The following DMBT1 variants were observed in gnomAD, a reference collection of about 807,000 sequenced individuals.
DMBT1 encodes the protein deleted in malignant brain tumors 1.
Under a neutral mutation model 252.9 loss-of-function variants are expected in DMBT1, and 198 were observed. The observed-to-expected ratio is 0.78, with a 90% CI of 0.70 to 0.88. The LOEUF (loss-of-function observed/expected upper bound fraction) is 0.88, where lower values mean the gene tolerates loss of function less well. Ranked by LOEUF, DMBT1 falls within the 40% of genes least tolerant of loss-of-function variation. The pLI is 0.00. For missense variants in DMBT1, 2,432 were observed against 2,404.7 expected, an observed-to-expected ratio of 1.01 and a Z score of -0.24; for synonymous variants, 990 against 942.7, an observed-to-expected ratio of 1.05 and a Z score of -0.92.
rs1334416125 is a variant in DMBT1, at chr10:122,619,363, G to A, written c.5245+26G>A. 7 of 1,613,746 alleles carry A rather than the reference G, an allele frequency of 4.3e-6. No homozygotes were observed. The Admixed American group carries it at 1.0e-4, about 23-fold the overall frequency. Reference sequence around the variant, plus strand: ...GTGAGTCCCCAGCATCCTTCATCGGGATGTCCCTTCTCTTTCTGCCCAGTT... The same window carrying A: ...GTGAGTCCCCAGCATCCTTCATCGGAATGTCCCTTCTCTTTCTGCCCAGTT... On this transcript the variant is annotated intron_variant, in intron 42 of 55. Coordinates refer to ENST00000338354, the MANE Select transcript of DMBT1 (RefSeq NM_001377530.1).
chr10:122,625,860 T>C (rs1326736388), intron 45 of DMBT1, 73 bp from the exon 46 acceptor site: 1 of 1,247,646 alleles, frequency 8.0e-7, no homozygotes, highest in Non-Finnish European at 1.2e-6. Flanking sequence ...TTTAACTTTG[T>C]CAGTCAAACA....
In DMBT1 at chr10:122,579,690, C is replaced by A. The variant is rs2097749076; in HGVS notation, c.792C>A (p.Asp264Glu). ...GCACCGTGTGTGATGACTACTGGGA[C>A]ACCAATGATGCCAATGTGGTCTGCA... ...SWGTVCDDYW[D>E]TNDANVVCRQ... The change falls in exon 10 of 56, where the codon GAC becomes GAA. Residue 264 changes from aspartate (D) to glutamate (E), a missense_variant. Physicochemically the swap from Asp to Glu is conservative, Grantham distance 45. Around this residue, in one of 3 missense-constraint regions of DMBT1, gnomAD observed 1,264 missense variants for 1,082.2 expected, o/e 1.17. Transcript: ENST00000338354. The A allele has an allele frequency of 2.5e-6, 4 of 1,613,886 alleles. No individual in the cohort carries two copies. The highest frequency in any genetic ancestry group is 1.3e-5 in the African/African-American group (1 of 75,050).
intron 24 of DMBT1, 60 bp from the exon 25 acceptor site, chr10:122,597,914 C>T: frequency 2.5e-6 from 4 of 1,612,914 alleles, no homozygotes; most frequent in Non-Finnish European, 3.4e-6. Flanking sequence ...GGAGACCTTT[C>T]CTTTTGGAGA....
intron 52 of DMBT1, 127 bp from the exon 53 acceptor site, chr10:122,635,864 C>G (rs544808787): frequency 9.9e-7 from 1 of 1,005,246 alleles, no homozygotes; most frequent in South Asian, 1.5e-5. Flanking sequence ...CCAAGGAGAC[C>G]TATGACTTTC....
At chr10:122,581,511 CA>C in intron 11 of DMBT1, among the ~76,000 whole-genome samples, 1 of 149,834 alleles carries the variant, frequency 6.7e-6, no homozygotes, top group Non-Finnish European at 1.5e-5. Flanking sequence ...CTAGTCAGTC[CA>C]TGCATCAGCA....
chr10:122,580,489 C>A (rs946127744), intron 10 of DMBT1, among the ~76,000 whole-genome samples: 5 of 152,154 alleles, frequency 3.3e-5, no homozygotes, highest in Non-Finnish European at 5.9e-5. Flanking sequence ...CCCATGAGGC[C>A]AGCCAGACAT....
At chr10:122,635,256 G>T (rs1308892371) in intron 52 of DMBT1, among the ~76,000 whole-genome samples, 1 of 152,188 alleles carries the variant, frequency 6.6e-6, no homozygotes, top group Non-Finnish European at 1.5e-5. Context: ...GCTTTAGAGA[G>T]ATTATTTGAC....
intron 44 of DMBT1, among the ~76,000 whole-genome samples, chr10:122,623,963 A>G (rs2098095074): frequency 3.9e-5 from 6 of 152,242 alleles, no homozygotes; most frequent in Admixed American, 2.6e-4. Flanking sequence ...CTGTCCCTGT[A>G]GCTCATGGTA....
At chr10:122,640,842 T>G (rs1844399970) in intron 55 of DMBT1, among the ~76,000 whole-genome samples, 2 of 152,184 alleles carry the variant, frequency 1.3e-5, no homozygotes, top group South Asian at 4.1e-4. Context: ...AGCATTGATT[T>G]GGAGCAGACC....
intron 26 of DMBT1, among the ~76,000 whole-genome samples, chr10:122,599,680 C>T (rs2097921273): frequency 6.6e-6 from 1 of 152,190 alleles, no homozygotes; most frequent in Non-Finnish European, 1.5e-5. Flanking sequence ...GGGCAGCCCC[C>T]ATGAGGCCGG....
chr10:122,625,804 A>T (rs2098114578), intron 45 of DMBT1, 129 bp from the exon 46 acceptor site: 3 of 788,098 alleles, frequency 3.8e-6, no homozygotes, highest in Non-Finnish European at 6.7e-6. Flanking sequence ...AACAGTGTAA[A>T]CTGGAATGGT....
At position 122,599,100 on chromosome 10, in the gene DMBT1, G is replaced by A. The variant is rs2097914074; in HGVS notation, c.3280+3G>A. On this transcript the variant is annotated splice_donor_region_variant and intron_variant, in intron 26 of 55. Transcript: ENST00000338354. ...AGACGCTGGTGTCATCTGCTCAGGT[G>A]GGCCTTCAAGAACTTGGGATCACTC... The A allele has an allele frequency of 3.7e-6, 6 of 1,613,702 alleles. No individual in the cohort carries two copies. The highest frequency in any genetic ancestry group is 5.1e-6 in the Non-Finnish European group (6 of 1,179,764).
In DMBT1 at chr10:122,579,629, G is replaced by A. The variant is rs187208588; in HGVS notation, c.731G>A (p.Arg244Gln). ...CTGGTGAATGGAGGCGACAGGTGTC[G>A]AGGCCGAGTGGAGGTCCTATACCGA... The part of the protein sequence containing the change: ...LRLVNGGDRC[R>Q]GRVEVLYRGS... Residue 244 changes from arginine (R) to glutamine (Q), a missense_variant, in exon 10 of 56, where the codon CGA (arginine) becomes CAA (glutamine). Physicochemically the swap from Arg to Gln is conservative, Grantham distance 43. This residue lies in a region of DMBT1 where 1,264 missense variants were observed against 1,082.2 expected (regional missense o/e 1.17). Transcript: ENST00000338354. The A allele has an allele frequency of 2.1e-4, 339 of 1,613,620 alleles. No individual in the cohort carries two copies. The African/African-American group carries it at 3.4e-3, about 16-fold the overall frequency.
chr10:122,565,491 T>G (rs939180821), intron 1 of DMBT1, among the ~76,000 whole-genome samples: 1 of 152,234 alleles, frequency 6.6e-6, no homozygotes, highest in Non-Finnish European at 1.5e-5. Flanking sequence ...TCCAGGGATC[T>G]CTAGATTTCC....
chr10:122,617,171 T>A lies in DMBT1; in HGVS notation c.4859-57T>A, dbSNP rs140439593. The A allele has an allele frequency of 7.0e-6, 11 of 1,560,404 alleles. 1 individual carries two copies. Among genetic ancestry groups the A allele is most frequent in the African/African-American group, 1.4e-5 (1 of 72,672 alleles). ...TTCCCCCTCCCAGAGAACCTTTTGT[T>A]CTGTGCCTTTTCCCTTCAAGTCTAA... is the stretch of plus-strand genomic sequence containing the variant. On this transcript the variant is annotated intron_variant, in intron 39 of 55. Transcript: ENST00000338354.
chr10:122,600,157 C>T, intron 27 of DMBT1, 64 bp downstream of exon 27: 4 of 1,558,266 alleles, frequency 2.6e-6, no homozygotes, highest in Non-Finnish European at 2.6e-6. Context: ...CCCTTCCACA[C>T]TCCACAGAGC....
In DMBT1 at chr10:122,640,207, C is replaced by T. The variant is rs202026846; in HGVS notation, c.7110C>T (p.Asn2370=). Residue 2370 remains asparagine, a synonymous_variant, in exon 55 of 56, where the codon AAC becomes AAT. Transcript: ENST00000338354. The part of the protein sequence containing the change: ...IANDTIHVAN[N]TIQVEEVQYG... ...ATGACACCATCCACGTTGCTAATAA[C>T]ACCATCCAGGTCGAGGAAGTCCAGT... is the stretch of plus-strand genomic sequence containing the variant. The T allele has an allele frequency of 1.9e-4, 304 of 1,614,066 alleles. 2 individuals carry two copies. In the African/African-American group the frequency reaches 3.5e-3, roughly 18 times the overall value.
intron 52 of DMBT1, among the ~76,000 whole-genome samples, chr10:122,635,556 C>A (rs1186586660): frequency 2.6e-5 from 4 of 152,004 alleles, no homozygotes; most frequent in East Asian, 1.9e-4. Flanking sequence ...TTTTATTTTT[C>A]TTTTTATTTT....
intron 8 of DMBT1, 74 bp downstream of exon 8, chr10:122,577,914 C>A: frequency 1.3e-6 from 2 of 1,514,436 alleles, no homozygotes; most frequent in Admixed American, 3.4e-5. Context: ...CTCCACAGAG[C>A]CCTCCTGCTT....
Sources: allele counts gnomAD v4.1 joint callset (sites outside exome capture counted in the v4.1 genomes callset), GRCh38; gene constraint gnomAD v4.1.1; regional missense constraint gnomAD v4.1.1; transcripts MANE v1.5; gene names NCBI Gene and HGNC (gene_info 2026-07-23, HGNC 2026-07-21).